CORO1C: variants seen among roughly 807,000 people sequenced by gnomAD.
CORO1C encodes the protein coronin 1C.
A neutral mutation model predicts 51.2 loss-of-function variants in CORO1C; 14 were observed. That is an observed-to-expected ratio of 0.27 (90% CI 0.18 to 0.43). The LOEUF is 0.43. Ranked by LOEUF, CORO1C falls within the 20% of genes least tolerant of loss-of-function variation. The pLI is 1.00. For synonymous variants in CORO1C, 181 were observed against 210.5 expected, an observed-to-expected ratio of 0.86 and a Z score of 1.21; for missense variants, 417 against 607.8, an observed-to-expected ratio of 0.69 and a Z score of 3.30.
chr12:108,701,490 C>G (rs755880498), intron 1 of CORO1C, 167 bp from the exon 2 acceptor site: 10 of 976,498 alleles, frequency 1.0e-5, no homozygotes, highest in African/African-American at 3.3e-5. Context: ...AGCACATACC[C>G]GGAGACAACT....
intron 1 of CORO1C, among the ~76,000 whole-genome samples, chr12:108,705,186 A>G (rs1325737257): frequency 6.6e-6 from 1 of 152,142 alleles, no homozygotes; most frequent in Non-Finnish European, 1.5e-5. Flanking sequence ...GATACCTGTA[A>G]TAAGAATGTA....
chr12:108,674,060 G>A (rs2033813935), intron 3 of CORO1C, among the ~76,000 whole-genome samples: 1 of 152,042 alleles, frequency 6.6e-6, no homozygotes, highest in South Asian at 2.1e-4. Context: ...AAATATTACT[G>A]CTCACCAACA....
At chr12:108,720,024 A>G (rs987571971) in intron 1 of CORO1C, among the ~76,000 whole-genome samples, 1 of 152,094 alleles carries the variant, frequency 6.6e-6, no homozygotes, top group African/African-American at 2.4e-5. Flanking sequence ...GTCTCTACAA[A>G]AATATTAAAA....
chr12:108,723,735 T>A (rs768684919), intron 1 of CORO1C, among the ~76,000 whole-genome samples: 6 of 152,246 alleles, frequency 3.9e-5, no homozygotes, highest in Non-Finnish European at 8.8e-5. Flanking sequence ...TTGCTAATCC[T>A]AAGTGGTTTT....
At position 108,658,891 on chromosome 12, in the gene CORO1C, A is replaced by C; in HGVS notation, c.477T>G (p.Asn159Lys). The C allele has an allele frequency of 1.2e-6, 2 of 1,610,462 alleles. No homozygotes were observed. Among genetic ancestry groups the C allele is most frequent in the Non-Finnish European group, 1.7e-6 (2 of 1,176,760 alleles). ...TTATAAGGGCTTCCCCTGTTCCCAC[A>C]TTCCAGATGATAATGGCATTATCAC... ...AGCDNAIIIW[N>K]VGTGEALINL... Residue 159 changes from asparagine to lysine, a missense_variant, in exon 5 of 11, where the codon AAT (asparagine) becomes AAG (lysine). By Grantham distance (94) the Asn-to-Lys change is moderately conservative. Coordinates refer to ENST00000261401, the MANE Select transcript of CORO1C (RefSeq NM_014325.4). This position sits in a 1 kb window ranked among gnomAD's most constrained non-coding sequence, Gnocchi z 4.9.
intron 1 of CORO1C, among the ~76,000 whole-genome samples, chr12:108,721,936 A>G (rs770901886): frequency 1.3e-5 from 2 of 152,130 alleles, no homozygotes; most frequent in Non-Finnish European, 2.9e-5. Context: ...AAAAGATCAG[A>G]AAGTATTTTG....
chr12:108,662,358 T>C (rs1348686580), intron 3 of CORO1C, among the ~76,000 whole-genome samples, 200 bp from the exon 4 acceptor site: 4 of 152,218 alleles, frequency 2.6e-5, no homozygotes, highest in Non-Finnish European at 5.9e-5. Context: ...TTTTTCGTTT[T>C]TGAGACGGAG....
At chr12:108,683,022 G>A (rs1280130216) in intron 2 of CORO1C, among the ~76,000 whole-genome samples, 2 of 152,126 alleles carry the variant, frequency 1.3e-5, no homozygotes, top group Non-Finnish European at 2.9e-5. Flanking sequence ...GTGAAAAATG[G>A]ACAGTCTTAA....
chr12:108,724,261 C>T (rs1157341870), intron 1 of CORO1C, among the ~76,000 whole-genome samples: 2 of 152,192 alleles, frequency 1.3e-5, no homozygotes, highest in Non-Finnish European at 2.9e-5. Context: ...TGACGAAAGG[C>T]TAAGCAAATG....
intron 1 of CORO1C, among the ~76,000 whole-genome samples, chr12:108,723,879 C>T (rs2035529868): frequency 6.6e-6 from 1 of 152,200 alleles, no homozygotes; most frequent in Non-Finnish European, 1.5e-5. Flanking sequence ...GCAAGGGCAC[C>T]TTTGCAATAA....
At chr12:108,692,158 A>C (rs1272462443) in intron 2 of CORO1C, among the ~76,000 whole-genome samples, 2 of 151,692 alleles carry the variant, frequency 1.3e-5, no homozygotes, top group African/African-American at 4.8e-5. Context: ...CTCCCCCTGC[A>C]TCCTCCACCC....
intron 3 of CORO1C, among the ~76,000 whole-genome samples, chr12:108,673,609 AGAG>A (rs1404785528): frequency 2.6e-5 from 4 of 152,220 alleles, no homozygotes; most frequent in African/African-American, 4.8e-5. Context: ...TCATGGCTAG[AGAG>A]GAGAAGTCAA....
chr12:108,665,811 C>T (rs1015275010), intron 3 of CORO1C, among the ~76,000 whole-genome samples: 4 of 152,222 alleles, frequency 2.6e-5, no homozygotes, highest in Non-Finnish European at 4.4e-5. Flanking sequence ...ACTGATGTGA[C>T]TGAATTCCTG....
chr12:108,656,779 T>G (rs1256068029), intron 6 of CORO1C, among the ~76,000 whole-genome samples: 2 of 152,252 alleles, frequency 1.3e-5, no homozygotes, highest in South Asian at 4.1e-4. Flanking sequence ...AAACATGTGC[T>G]GTGTCCACTC....
At chr12:108,671,855 CAGGTCCAAG>C (rs2033731340) in intron 3 of CORO1C, among the ~76,000 whole-genome samples, 1 of 152,094 alleles carries the variant, frequency 6.6e-6, no homozygotes, top group African/African-American at 2.4e-5. Context: ...CTTGATCTTC[CAGGTCCAAG>C]AGGTCCTCCC....
chr12:108,703,064 T>C, intron 1 of CORO1C: 3 of 1,030,874 alleles, frequency 2.9e-6, no homozygotes, highest in Non-Finnish European at 4.0e-6. Context: ...CATGAGGTGG[T>C]GAAAAGCAAA....
intron 3 of CORO1C, among the ~76,000 whole-genome samples, chr12:108,668,052 C>T (rs989573842): frequency 6.6e-6 from 1 of 152,174 alleles, no homozygotes; most frequent in African/African-American, 2.4e-5. Flanking sequence ...GAGTTACAGC[C>T]ATAAAAAGGG....
At chr12:108,693,872 C>A (rs969573474) in intron 2 of CORO1C, among the ~76,000 whole-genome samples, 47 of 152,254 alleles carry the variant, frequency 3.1e-4, no homozygotes, top group African/African-American at 9.6e-4. Context: ...TCAAACCGAA[C>A]CTTCTCTGTG....
intron 1 of CORO1C, among the ~76,000 whole-genome samples, chr12:108,721,183 C>T (rs912449793): frequency 6.6e-6 from 1 of 152,196 alleles, no homozygotes; most frequent in African/African-American, 2.4e-5. Flanking sequence ...ACACTTTCAC[C>T]TACCTTTATA....
Sources: gnomAD v4.1 joint callset for allele counts (sites outside exome capture counted in the v4.1 genomes callset) on GRCh38, gnomAD v4.1.1 for gene constraint, Gnocchi (gnomAD v3.1) non-coding constraint, MANE v1.5 for transcripts, NCBI Gene and HGNC (gene_info 2026-07-23, HGNC 2026-07-21) for gene names.